The following USP54 variants were observed in gnomAD, a reference collection of about 807,000 sequenced individuals.
The protein encoded by USP54 is ubiquitin carboxyl-terminal hydrolase 54.
Under a neutral mutation model 170.5 loss-of-function variants are expected in USP54, and 87 were observed. That is an observed-to-expected ratio of 0.51 (90% CI 0.43 to 0.61). The LOEUF (loss-of-function observed/expected upper bound fraction) is 0.61, where lower values mean the gene tolerates loss of function less well. USP54 is among the 20% of genes least tolerant of loss of function. The pLI is 0.00. For missense variants in USP54, 1,786 were observed against 2,047.8 expected, an observed-to-expected ratio of 0.87 and a Z score of 2.47; for synonymous variants, 655 against 742.8, an observed-to-expected ratio of 0.88 and a Z score of 1.92.
At chr10:73,598,654 G>A (rs1198832978) in intron 1 of USP54, among the ~76,000 whole-genome samples, 2 of 152,082 alleles carry the variant, frequency 1.3e-5, no homozygotes, top group African/African-American at 4.8e-5. Flanking sequence ...GCTCACACCT[G>A]TAATCCCAGC....
chr10:73,560,708 G>C (rs2072709661), intron 4 of USP54, among the ~76,000 whole-genome samples: 1 of 146,656 alleles, frequency 6.8e-6, no homozygotes, highest in African/African-American at 2.5e-5. Flanking sequence ...AAAAGTCACA[G>C]GATGAAAACC....
chr10:73,556,530 G>A (rs2071103044), intron 4 of USP54, among the ~76,000 whole-genome samples: 2 of 151,462 alleles, frequency 1.3e-5, no homozygotes, highest in African/African-American at 4.9e-5. Flanking sequence ...ATTTTTAGTA[G>A]AGACAGGGTT....
intron 1 of USP54, among the ~76,000 whole-genome samples, chr10:73,620,499 TC>T (rs768736269): frequency 0.033 from 4,904 of 146,692 alleles, 173 homozygotes; most frequent in South Asian, 0.099. Flanking sequence ...TTTTTTTTTT[TC>T]TCAGTAGAAA....
At position 73,517,665 on chromosome 10, in the gene USP54, A is replaced by C. The variant is rs899651376; in HGVS notation, c.2761T>G (p.Ser921Ala). 1 of 1,614,206 alleles carries C rather than the reference A, an allele frequency of 6.2e-7. No homozygotes were observed. The highest frequency in any genetic ancestry group is 1.7e-5 in the Admixed American group (1 of 60,020). The change falls in exon 20 of 24, where the codon TCT becomes GCT. Residue 921 changes from serine (S) to alanine (A), a missense_variant. Around this residue, in one of 3 missense-constraint regions of USP54, gnomAD observed 1,418 missense variants for 1,569.0 expected, o/e 0.90. Coordinates refer to ENST00000687698, the MANE Select transcript of USP54 (RefSeq NM_001391956.1). Reference protein sequence around the residue: ...SGMDTEFGASSFFHSPASCHE... With the variant: ...SGMDTEFGASAFFHSPASCHE... ...CAGGAAGCAGGTGAATGGAAGAAAG[A>C]ACTGGCCCCAAACTCTGTATCCATG...
At chr10:73,564,176 CTTG>C (rs2073776391) in intron 4 of USP54, among the ~76,000 whole-genome samples, 5 of 151,960 alleles carry the variant, frequency 3.3e-5, no homozygotes, top group Admixed American at 3.3e-4. Context: ...TAATTTTTGA[CTTG>C]TTGTAGAGAC....
rs187627564 is a variant in USP54 at position 73,504,017 on chromosome 10, C to T, written c.4311+833G>A. Among the ~76,000 whole-genome samples, 4 of 152,276 alleles carry T rather than the reference C, an allele frequency of 2.6e-5. No homozygotes were observed. The East Asian group carries it at 5.8e-4, about 22-fold the overall frequency. On this transcript the variant is annotated intron_variant, in intron 22 of 23. Transcript: ENST00000687698. Reference sequence around the variant, plus strand: ...AGGCATGAGCCACCACGCCTGGCCTCGGCTGATTTTTAAAAATTGGAAAAA... The same window carrying T: ...AGGCATGAGCCACCACGCCTGGCCTTGGCTGATTTTTAAAAATTGGAAAAA...
chr10:73,619,157 C>T (rs1304631487), intron 1 of USP54, among the ~76,000 whole-genome samples: 1 of 150,486 alleles, frequency 6.6e-6, no homozygotes, highest in East Asian at 1.9e-4. Context: ...AGGTTGCATT[C>T]CAGCCTGGGC....
chr10:73,550,999 G>A (rs150505066), intron 4 of USP54, among the ~76,000 whole-genome samples: 7,970 of 152,208 alleles, frequency 0.052, 598 homozygotes, highest in African/African-American at 0.17. Flanking sequence ...CAGCTACTGC[G>A]GAGGCTGAGG....
chr10:73,534,535 T>C, intron 12 of USP54, 65 bp downstream of exon 12: 1 of 1,556,888 alleles, frequency 6.4e-7, no homozygotes, highest in Non-Finnish European at 8.7e-7. Flanking sequence ...TCACAGTTTC[T>C]TTTTCTTAGG....
chr10:73,602,630 G>A (rs1263315032), intron 1 of USP54, among the ~76,000 whole-genome samples: 9 of 151,578 alleles, frequency 5.9e-5, no homozygotes, highest in Middle Eastern at 3.2e-3. Flanking sequence ...AGGCCAAGGC[G>A]GGTGGATCAC....
rs754355663 is a variant in USP54, at chr10:73,517,676, A to G, written c.2750T>C (p.Phe917Ser). The change falls in exon 20 of 24, where the codon TTT (phenylalanine) becomes TCT (serine). Residue 917 changes from phenylalanine to serine, a missense_variant. Phe to Ser is a radical substitution (Grantham distance 155). This residue lies in a region of USP54 where 1,418 missense variants were observed against 1,569.0 expected (regional missense o/e 0.90). Transcript: ENST00000687698. Reference sequence around the variant, plus strand: ...TGAATGGAAGAAAGAACTGGCCCCAAACTCTGTATCCATGCCGGATTCCAG... The same window carrying G: ...TGAATGGAAGAAAGAACTGGCCCCAGACTCTGTATCCATGCCGGATTCCAG... ...AQLESGMDTE[F>S]GASSFFHSPA... 1 of 1,614,190 alleles carries G rather than the reference A, an allele frequency of 6.2e-7. No individual in the cohort carries two copies. Among genetic ancestry groups the G allele is most frequent in the Non-Finnish European group, 8.5e-7 (1 of 1,180,048 alleles).
intron 1 of USP54, among the ~76,000 whole-genome samples, chr10:73,604,963 A>G (rs1383380980): frequency 1.3e-5 from 2 of 151,976 alleles, no homozygotes; most frequent in Admixed American, 1.3e-4. Flanking sequence ...ATTTGTCCCC[A>G]CCCACGTCCT....
At chr10:73,510,499 TGTAGTGCAATGG>T (rs2060035606) in intron 20 of USP54, among the ~76,000 whole-genome samples, 1 of 150,448 alleles carries the variant, frequency 6.6e-6, no homozygotes, top group African/African-American at 2.4e-5. Flanking sequence ...TTGCCCAGGC[TGTAGTGCAATGG>T]GCAGCTCACT....
chr10:73,619,195 G>A (rs1343030331), intron 1 of USP54, among the ~76,000 whole-genome samples: 2 of 150,282 alleles, frequency 1.3e-5, no homozygotes, highest in Admixed American at 6.6e-5. Context: ...CTCAAAAAAA[G>A]CAAAACAAAA....
chr10:73,505,257 T>C (rs1330169992), intron 21 of USP54, 51 bp downstream of exon 21: 6 of 1,547,692 alleles, frequency 3.9e-6, no homozygotes, highest in South Asian at 1.2e-5. Flanking sequence ...CCATAATTCC[T>C]TCCCCAACAC....
In USP54 at chr10:73,530,133, A is replaced by T; in HGVS notation, c.1828+10T>A. 1 of 1,586,222 alleles carries T rather than the reference A, an allele frequency of 6.3e-7. No homozygotes were observed. The highest frequency in any genetic ancestry group is 8.6e-7 in the Non-Finnish European group (1 of 1,168,732). On this transcript the variant is annotated intron_variant, in intron 14 of 23. Transcript: ENST00000687698. ...TCAAAAGCCCAATTCTTCCCTAATT[A>T]TCTCCTCACCTGAATCCTCAGAAAA...
upstream of USP54, among the ~76,000 whole-genome samples, chr10:73,593,716 G>A (rs2078484723): frequency 6.6e-6 from 1 of 152,158 alleles, no homozygotes; most frequent in African/African-American, 2.4e-5. Context: ...TAGGATTTGA[G>A]TAAATCAATC....
rs184050578 is a variant in USP54, at chr10:73,576,782, C to T, written c.-581-421G>A. ...TTTTCCATGAATATGCTTATGAAAA[C>T]GTGCTTAAAGGTGGGAAGGCCATGT... is the stretch of plus-strand genomic sequence containing the variant. On this transcript the variant is annotated intron_variant, in intron 1 of 23. Coordinates refer to ENST00000687698, the MANE Select transcript of USP54 (RefSeq NM_001391956.1). 6.5e-4 allele frequency among the ~76,000 whole-genome samples: 99 copies of T among 152,254 alleles called. 1 individual carries two copies. In the East Asian group the frequency reaches 8.3e-3, roughly 13 times the overall value.
intron 23 of USP54, among the ~76,000 whole-genome samples, chr10:73,500,244 T>C (rs2057813142): frequency 6.6e-6 from 1 of 152,214 alleles, no homozygotes. Context: ...CACTCATTCC[T>C]TATCTTCCTA....
Sources: allele counts gnomAD v4.1 joint callset (sites outside exome capture counted in the v4.1 genomes callset), GRCh38; gene constraint gnomAD v4.1.1; regional missense constraint gnomAD v4.1.1; transcripts MANE v1.5; gene names NCBI Gene and HGNC (gene_info 2026-07-23, HGNC 2026-07-21).